The following RTN4RL2 variants were observed in gnomAD, a reference collection of about 807,000 sequenced individuals.
RTN4RL2 encodes the protein reticulon 4 receptor like 2.
A neutral mutation model predicts 27.8 loss-of-function variants in RTN4RL2; 9 were observed. The ratio of observed to expected loss-of-function variants is 0.32; its 90% CI spans 0.20 to 0.57. The LOEUF is 0.57. Among genes scored for constraint, RTN4RL2 ranks in the 20% least tolerant of loss-of-function variants. The probability of loss-of-function intolerance (pLI) is 0.90; values close to 1 mark genes in which losing one functional copy is unlikely to be tolerated. For missense variants in RTN4RL2, 436 were observed against 596.8 expected, an observed-to-expected ratio of 0.73 and a Z score of 2.81; for synonymous variants, 285 against 297.9, an observed-to-expected ratio of 0.96 and a Z score of 0.45.
chr11:57,471,033 C>T (rs1180738709), intron 2 of RTN4RL2, among the ~76,000 whole-genome samples: 5 of 151,896 alleles, frequency 3.3e-5, no homozygotes, highest in African/African-American at 1.2e-4. Flanking sequence ...GTCAGGAGTT[C>T]GAGACCAGCC....
rs756724654 is a variant in RTN4RL2 at position 57,476,416 on chromosome 11, G to A, written c.768G>A (p.Leu256=). The change falls in exon 3 of 3, where the codon CTG becomes CTA. Residue 256 remains leucine (L), a synonymous_variant. Coordinates refer to ENST00000335099, the MANE Select transcript of RTN4RL2 (RefSeq NM_178570.3). The surrounding 1 kb of genome is among the most constrained non-coding windows in gnomAD (Gnocchi z 8.2). ...CCGACCTGCCCTCGCTCGAGTTCCT[G>A]CGGCTCAACGCTAACCCCTGGGCGT... ...ALADLPSLEF[L]RLNANPWACD... is the part of the protein sequence containing the mutation. 17 of 1,599,218 alleles carry A rather than the reference G, an allele frequency of 1.1e-5. No homozygotes were observed. Among genetic ancestry groups the A allele is most frequent in the African/African-American group, 4.0e-5 (3 of 74,766 alleles).
chr11:57,476,873 C>T lies in RTN4RL2; in HGVS notation c.1225C>T (p.Leu409=), dbSNP rs749739467. 3 of 1,577,376 alleles carry T rather than the reference C, an allele frequency of 1.9e-6. No homozygotes were observed. The highest frequency in any genetic ancestry group is 3.5e-5 in the Admixed American group (2 of 57,954). Residue 409 remains leucine, a synonymous_variant, in exon 3 of 3, where the codon CTG becomes TTG. Coordinates refer to ENST00000335099, the MANE Select transcript of RTN4RL2 (RefSeq NM_178570.3). This position sits in a 1 kb window ranked among gnomAD's most constrained non-coding sequence, Gnocchi z 8.2. Reference sequence around the variant, plus strand: ...GCTCTCGGCCGGGCTCCCCAGCCCTCTGCTTTGCCTCCTGCTCCTGGTGCC... The same window carrying T: ...GCTCTCGGCCGGGCTCCCCAGCCCTTTGCTTTGCCTCCTGCTCCTGGTGCC... The part of the protein sequence containing the change: ...PALSAGLPSP[L]LCLLLLVPHH...
chr11:57,474,149 C>T (rs920939441), intron 2 of RTN4RL2, among the ~76,000 whole-genome samples: 1 of 152,060 alleles, frequency 6.6e-6, no homozygotes, highest in Non-Finnish European at 1.5e-5. Flanking sequence ...CAGGCTGAGG[C>T]CAGGGAGGTG....
chr11:57,476,377 C>G lies in RTN4RL2; in HGVS notation c.729C>G (p.Pro243=). Residue 243 remains proline, a synonymous_variant, in exon 3 of 3, where the codon CCC becomes CCG. Transcript: ENST00000335099. This position sits in a 1 kb window ranked among gnomAD's most constrained non-coding sequence, Gnocchi z 8.2. ...TCAACAACAGCCTGGCCTCGCTGCCCGGCGAGGCGCTCGCCGACCTGCCCT... is the reference window on the plus strand; with the variant it reads ...TCAACAACAGCCTGGCCTCGCTGCCGGGCGAGGCGCTCGCCGACCTGCCCT... ...YLFNNSLASL[P]GEALADLPSL... 6.2e-7 allele frequency: 1 copy of G among 1,608,046 alleles called. No individual in the cohort carries two copies. The highest frequency in any genetic ancestry group is 8.5e-7 in the Non-Finnish European group (1 of 1,179,192).
intron 2 of RTN4RL2, among the ~76,000 whole-genome samples, chr11:57,474,719 A>ACT (rs1943586520): frequency 6.6e-6 from 1 of 152,230 alleles, no homozygotes; most frequent in Non-Finnish European, 1.5e-5. Context: ...GATGGGTGCC[A>ACT]AGGCATTAGC....
At chr11:57,475,998 T>C (rs1943592633) in intron 2 of RTN4RL2, among the ~76,000 whole-genome samples, 164 bp from the exon 3 acceptor site, 1 of 152,212 alleles carries the variant, frequency 6.6e-6, no homozygotes, top group Non-Finnish European at 1.5e-5. Flanking sequence ...GCAAATAGGT[T>C]AGAGGAGGCA....
chr11:57,464,462 G>C (rs1001571241), intron 1 of RTN4RL2, among the ~76,000 whole-genome samples: 9 of 152,162 alleles, frequency 5.9e-5, no homozygotes, highest in African/African-American at 2.2e-4. Flanking sequence ...TGTGGATAAG[G>C]GGTAGGATTA....
At chr11:57,465,990 ATTTTTTTTTTTTTTTT>A (rs35174184) in intron 1 of RTN4RL2, among the ~76,000 whole-genome samples, 4 of 77,900 alleles carry the variant, frequency 5.1e-5, no homozygotes, top group African/African-American at 2.2e-4. Flanking sequence ...CATGCCTACA[ATTTTTTTTTTTTTTTT>A]TTTTTTTTTT....
rs754116484 is a variant in RTN4RL2 at position 57,467,939 on chromosome 11, C to T, written c.362C>T (p.Ser121Leu). 1.7e-5 allele frequency: 27 copies of T among 1,613,028 alleles called. No homozygotes were observed. Among genetic ancestry groups the T allele is most frequent in the African/African-American group, 9.3e-5 (7 of 74,948 alleles). ...CTCGGTGACAACCGGCACCTGCGCT[C>T]GCTGGAGCCCGACACCTTCCAGGGC... ...LDLGDNRHLR[S>L]LEPDTFQGLE... The change falls in exon 2 of 3, where the codon TCG (serine) becomes TTG (leucine). Residue 121 changes from serine to leucine, a missense_variant. By Grantham distance (145) the Ser-to-Leu change is moderately radical. Transcript: ENST00000335099. This position sits in a 1 kb window ranked among gnomAD's most constrained non-coding sequence, Gnocchi z 5.5.
Position 57,460,809 on chromosome 11 carries a change from G to C in RTN4RL2, c.-57G>C. 6.2e-6 allele frequency: 7 copies of C among 1,128,836 alleles called. No homozygotes were observed. Among genetic ancestry groups the C allele is most frequent in the Non-Finnish European group, 8.5e-6 (7 of 822,758 alleles). The allele number at this position is 1,128,836 out of a possible 1,614,324, so 69.9% of individuals were successfully genotyped here. Reference sequence around the variant, plus strand: ...CCCCGCCGTGCATCCGGCGGGCTCAGGGAGCGAGTGGGAGCGCCCTCCCCC... The same window carrying C: ...CCCCGCCGTGCATCCGGCGGGCTCACGGAGCGAGTGGGAGCGCCCTCCCCC... On this transcript the variant is annotated 5_prime_UTR_variant, in exon 1 of 3. Coordinates refer to ENST00000335099, the MANE Select transcript of RTN4RL2 (RefSeq NM_178570.3).
At chr11:57,468,419 TC>T in intron 2 of RTN4RL2, 1 of 744,504 alleles carries the variant, frequency 1.3e-6, no homozygotes, top group Non-Finnish European at 2.2e-6. Flanking sequence ...CTAACTTGCC[TC>T]CCCCATCTGT....
intron 2 of RTN4RL2, among the ~76,000 whole-genome samples, chr11:57,475,111 C>A (rs1387758591): frequency 6.6e-6 from 1 of 152,186 alleles, no homozygotes; most frequent in Admixed American, 6.5e-5. Context: ...ATAGTAGCCA[C>A]CATTTATTGA....
In RTN4RL2 at chr11:57,475,478, G is replaced by A. The variant is rs139543777; in HGVS notation, c.514-684G>A. ...TCCCCATTTTACAGATGAGGAAACA[G>A]GCACAGAGAGATGACTGGCTTGGCC... is the stretch of plus-strand genomic sequence containing the variant. On this transcript the variant is annotated intron_variant, in intron 2 of 2. Transcript: ENST00000335099. Among the ~76,000 whole-genome samples, 183 of 151,884 alleles carry A rather than the reference G, an allele frequency of 1.2e-3. 1 individual carries two copies. The highest frequency in any genetic ancestry group is 3.4e-3 in the Middle Eastern group (1 of 294).
In RTN4RL2 at chr11:57,477,446, A is replaced by G. The variant is rs1441905272; in HGVS notation, c.*535A>G. 1 of 152,744 alleles carries G rather than the reference A, an allele frequency of 6.5e-6. No individual in the cohort carries two copies. The highest frequency in any genetic ancestry group is 6.5e-5 in the Admixed American group (1 of 15,296). The allele number at this position is 152,744 out of a possible 1,614,324, so 9.5% of individuals were successfully genotyped here. Reference sequence around the variant, plus strand: ...GACACTTTTTAGGGCACCTGGAGAGAACTTTCCTCTCCACTGTGGCCCCTG... The same window carrying G: ...GACACTTTTTAGGGCACCTGGAGAGGACTTTCCTCTCCACTGTGGCCCCTG... On this transcript the variant is annotated 3_prime_UTR_variant, in exon 3 of 3. Transcript: ENST00000335099.
Position 57,460,741 on chromosome 11 carries a change from C to A in RTN4RL2, c.-125C>A. The A allele has an allele frequency of 2.4e-6, 1 of 416,240 alleles. No homozygotes were observed. Among genetic ancestry groups the A allele is most frequent in the Admixed American group, 4.6e-5 (1 of 21,752 alleles). The allele number at this position is 416,240 out of a possible 1,614,324, so 25.8% of individuals were successfully genotyped here. A position where few individuals can be genotyped will look rare whatever the true frequency, so the allele number is the denominator to read the frequency against. On this transcript the variant is annotated 5_prime_UTR_variant, in exon 1 of 3. Coordinates refer to ENST00000335099, the MANE Select transcript of RTN4RL2 (RefSeq NM_178570.3). ...AGGGTAGAGCGCCGCGGCCCGGCCA[C>A]GCAGCCCGGGGACTCCCGGGCCCTC...
chr11:57,476,284 G>C lies in RTN4RL2; in HGVS notation c.636G>C (p.Gly212=), dbSNP rs1293594874. The C allele has an allele frequency of 6.2e-7, 1 of 1,612,354 alleles. No homozygotes were observed. Among genetic ancestry groups the C allele is most frequent in the Admixed American group, 1.7e-5 (1 of 59,972 alleles). Residue 212 remains glycine, a synonymous_variant, in exon 3 of 3, where the codon GGG becomes GGC. Transcript: ENST00000335099. The surrounding 1 kb of genome is among the most constrained non-coding windows in gnomAD (Gnocchi z 8.2). The part of the protein sequence containing the change: ...LGSLDRLLLH[G]NRLQGVHRAA... ...GCCTGGACCGGCTGCTGCTGCACGG[G>C]AACCGGCTGCAGGGCGTGCACCGCG...
At chr11:57,463,699 G>T (rs939435651) in intron 1 of RTN4RL2, among the ~76,000 whole-genome samples, 3 of 152,104 alleles carry the variant, frequency 2.0e-5, no homozygotes, top group African/African-American at 7.3e-5. Flanking sequence ...GAGACAGGAG[G>T]CCTGGGCCTG....
chr11:57,464,836 C>T (rs1180120765), intron 1 of RTN4RL2, among the ~76,000 whole-genome samples: 1 of 152,198 alleles, frequency 6.6e-6, no homozygotes, highest in African/African-American at 2.4e-5. Flanking sequence ...TGCTCCTCCA[C>T]CCCACGTGGG....
Position 57,476,108 on chromosome 11 carries a change from GCACCCTA to G in RTN4RL2, c.514-52_514-46del. 6.5e-7 allele frequency: 1 copy of G among 1,544,572 alleles called. No homozygotes were observed. Among genetic ancestry groups the G allele is most frequent in the Non-Finnish European group, 8.8e-7 (1 of 1,139,506 alleles). On this transcript the variant is annotated intron_variant, in intron 2 of 2. Coordinates refer to ENST00000335099, the MANE Select transcript of RTN4RL2 (RefSeq NM_178570.3). This position sits in a 1 kb window ranked among gnomAD's most constrained non-coding sequence, Gnocchi z 8.2. ...CCCGGCCAAGGCCCCAGCGGGGTCT[GCACCCTA>G]CCTCAGGCCCATTCTCTTCTTCTGT...
Sources: gnomAD v4.1 joint callset for allele counts (sites outside exome capture counted in the v4.1 genomes callset) on GRCh38, gnomAD v4.1.1 for gene constraint, Gnocchi (gnomAD v3.1) non-coding constraint, MANE v1.5 for transcripts, NCBI Gene and HGNC (gene_info 2026-07-23, HGNC 2026-07-21) for gene names.